PRKAG2: variants seen among roughly 807,000 people sequenced by gnomAD.
PRKAG2 encodes protein kinase AMP-activated non-catalytic subunit gamma 2, also known as 5'-AMP-activated protein kinase subunit gamma-2.
PRKAG2 carries 26 observed loss-of-function variants against 69.6 expected under a neutral mutation model. That is an observed-to-expected ratio of 0.37 (90% CI 0.27 to 0.52). The LOEUF is 0.52. Among genes scored for constraint, PRKAG2 ranks in the 20% least tolerant of loss-of-function variants. The pLI, the probability that PRKAG2 is intolerant of heterozygous loss-of-function variation, is 0.90. For synonymous variants in PRKAG2, 293 were observed against 285.0 expected (o/e 1.03, Z -0.28); for missense variants, 557 against 740.0 (o/e 0.75, Z 2.87).
At chr7:151,720,371 G>A (rs1796857457) in intron 3 of PRKAG2, among the ~76,000 whole-genome samples, 1 of 151,924 alleles carries the variant, frequency 6.6e-6, no homozygotes, top group African/African-American at 2.4e-5. Context: ...AATACAGCAA[G>A]ACCATGGCCC....
chr7:151,833,582 G>C (rs548597865), intron 1 of PRKAG2, among the ~76,000 whole-genome samples: 1 of 152,290 alleles, frequency 6.6e-6, no homozygotes, highest in South Asian at 2.1e-4. Context: ...CGGCTCTTAA[G>C]CCGATGGACG....
chr7:151,829,555 T>C (rs1563735203), intron 1 of PRKAG2, among the ~76,000 whole-genome samples: 1 of 152,008 alleles, frequency 6.6e-6, no homozygotes, highest in African/African-American at 2.4e-5. Context: ...CGTATTTCCA[T>C]ACAGAAATTT....
At chr7:151,800,457 G>A (rs544725937) in intron 1 of PRKAG2, among the ~76,000 whole-genome samples, 1 of 151,972 alleles carries the variant, frequency 6.6e-6, no homozygotes, top group South Asian at 2.1e-4. Context: ...GCTCCTCCAA[G>A]GCCTTCCCAA....
rs1563762540 is a variant in PRKAG2 at position 151,861,527 on chromosome 7, C to CAAAAA, written c.114+14979_114+14980insTTTTT. On this transcript the variant is annotated intron_variant, in intron 1 of 15. Coordinates refer to ENST00000287878, the MANE Select transcript of PRKAG2 (RefSeq NM_016203.4). Reference sequence around the variant, plus strand: ...TGGGTGACAGAATAAGACTCTGTCTCCAAAAAAAAAAAAAAAAAAAAGAAT... The same window carrying CAAAAA: ...TGGGTGACAGAATAAGACTCTGTCTCAAAAACAAAAAAAAAAAAAAAAAAAAGAAT... Among the ~76,000 whole-genome samples the CAAAAA allele has an allele frequency of 1.8e-4, 11 of 60,392 alleles. 1 individual carries two copies. The highest frequency in any genetic ancestry group is 2.3e-4 in the Non-Finnish European group (7 of 30,414). 39.6% of individuals were successfully genotyped at this position (60,392 alleles called of 152,430 possible).
chr7:151,706,865 A>ACCTGG (rs2151589642), intron 3 of PRKAG2, among the ~76,000 whole-genome samples: 1 of 152,304 alleles, frequency 6.6e-6, no homozygotes, highest in African/African-American at 2.4e-5. Flanking sequence ...AATTGGAGCC[A>ACCTGG]CCTGGCCTGG....
intron 1 of PRKAG2, among the ~76,000 whole-genome samples, chr7:151,856,832 G>A (rs1259180566): frequency 5.9e-5 from 9 of 152,092 alleles, no homozygotes; most frequent in Non-Finnish European, 7.3e-5. Context: ...CAAGTCTGGT[G>A]AAACCCAGCT....
intron 5 of PRKAG2, among the ~76,000 whole-genome samples, chr7:151,596,191 T>C (rs1814476881): frequency 6.6e-6 from 1 of 152,116 alleles, no homozygotes; most frequent in Non-Finnish European, 1.5e-5. Context: ...TTGTCCCTGT[T>C]TGCAGATGAC....
At chr7:151,786,638 C>T in intron 1 of PRKAG2, 97 bp from the exon 2 acceptor site, 2 of 965,678 alleles carry the variant, frequency 2.1e-6, no homozygotes, top group Non-Finnish European at 3.2e-6. Flanking sequence ...CTTCCTGAGA[C>T]CTTATCCTTC....
At chr7:151,818,120 A>G (rs1204123165) in intron 1 of PRKAG2, among the ~76,000 whole-genome samples, 2 of 152,232 alleles carry the variant, frequency 1.3e-5, no homozygotes, top group African/African-American at 4.8e-5. Flanking sequence ...ATGTTCTGAT[A>G]GAGCCAGACA....
At chr7:151,798,179 T>C (rs930219000) in intron 1 of PRKAG2, among the ~76,000 whole-genome samples, 1 of 151,886 alleles carries the variant, frequency 6.6e-6, no homozygotes, top group Non-Finnish European at 1.5e-5. Context: ...AATTTTTGTA[T>C]ATTTAGTAGA....
At chr7:151,618,420 T>G (rs541429474) in intron 5 of PRKAG2, among the ~76,000 whole-genome samples, 1 of 150,686 alleles carries the variant, frequency 6.6e-6, no homozygotes, top group African/African-American at 2.5e-5. Context: ...GCCACTGCAC[T>G]CTAGCCTGGG....
chr7:151,582,869 G>A (rs764308862), intron 6 of PRKAG2, among the ~76,000 whole-genome samples: 3 of 152,206 alleles, frequency 2.0e-5, no homozygotes, highest in Non-Finnish European at 4.4e-5. Flanking sequence ...ATAAAATGGG[G>A]CTAATGGATA....
intron 1 of PRKAG2, among the ~76,000 whole-genome samples, chr7:151,870,154 TAGGCAGGCAGGCAGGC>T (rs200063326): frequency 7.0e-4 from 97 of 138,426 alleles, no homozygotes; most frequent in African/African-American, 2.3e-3. Context: ...GATAGATAGA[TAGGCAGGCAGGCAGGC>T]AGGCAGGCAG....
At chr7:151,811,558 G>A (rs754545030) in intron 1 of PRKAG2, among the ~76,000 whole-genome samples, 95 of 152,236 alleles carry the variant, frequency 6.2e-4, no homozygotes, top group Non-Finnish European at 1.0e-3. Context: ...TAGGACTCCA[G>A]GGCCTTAACT....
Position 151,836,489 on chromosome 7 carries a change from AAAC to A in PRKAG2, c.114+40015_114+40017del, listed in dbSNP as rs1264858920. Among the ~76,000 whole-genome samples the A allele has an allele frequency of 9.9e-5, 15 of 152,212 alleles. No individual in the cohort carries two copies. The highest frequency in any genetic ancestry group is 2.2e-4 in the African/African-American group (9 of 41,460). On this transcript the variant is annotated intron_variant, in intron 1 of 15. Coordinates refer to ENST00000287878, the MANE Select transcript of PRKAG2 (RefSeq NM_016203.4). The surrounding 1 kb of genome is among the most constrained non-coding windows in gnomAD (Gnocchi z 4.1). ...ACTCAGTCACCAAAACAAGAAACAA[AAAC>A]AACAACAACAACAAAGGCAAGGTGG...
In PRKAG2 at chr7:151,876,792, C is replaced by T; in HGVS notation, c.-172G>A. ...AGCAGGGAACTCGCGCGGCCGCCGC[C>T]GCCGCCGAAGCGCCGAATTCAAGCG... On this transcript the variant is annotated 5_prime_UTR_variant, in exon 1 of 16. Transcript: ENST00000287878. 2 of 692,004 alleles carry T rather than the reference C, an allele frequency of 2.9e-6. No homozygotes were observed. The highest frequency in any genetic ancestry group is 2.4e-5 in the Admixed American group (1 of 41,556). 42.9% of individuals were successfully genotyped at this position (692,004 alleles called of 1,614,324 possible).
intron 3 of PRKAG2, among the ~76,000 whole-genome samples, chr7:151,697,313 G>A (rs944546686): frequency 2.6e-5 from 4 of 152,158 alleles, no homozygotes; most frequent in Non-Finnish European, 5.9e-5. Context: ...ACCTGTGTCC[G>A]AGCATCAGGG....
At chr7:151,869,530 A>C (rs1018989242) in intron 1 of PRKAG2, among the ~76,000 whole-genome samples, 3 of 152,236 alleles carry the variant, frequency 2.0e-5, no homozygotes, top group African/African-American at 7.2e-5. Context: ...CCCGCAAGGC[A>C]CTGAGCATGT....
intron 3 of PRKAG2, among the ~76,000 whole-genome samples, chr7:151,729,422 G>A (rs1429824967): frequency 2.6e-5 from 4 of 151,718 alleles, no homozygotes; most frequent in African/African-American, 9.7e-5. Context: ...GGTGGGGGCC[G>A]GGGAGGGCCT....
Sources: allele counts gnomAD v4.1 joint callset (sites outside exome capture counted in the v4.1 genomes callset), GRCh38; gene constraint gnomAD v4.1.1; non-coding constraint Gnocchi (gnomAD v3.1); transcripts MANE v1.5; gene names NCBI Gene and HGNC (gene_info 2026-07-23, HGNC 2026-07-21).